The following FUT8 variants were observed in gnomAD, a reference collection of about 807,000 sequenced individuals.
FUT8 encodes fucosyltransferase 8, also known as alpha-(1,6)-fucosyltransferase.
A neutral mutation model predicts 71.3 loss-of-function variants in FUT8; 29 were observed. The ratio of observed to expected loss-of-function variants is 0.41; its 90% CI spans 0.30 to 0.55. FUT8 has a LOEUF of 0.55. Ranked by LOEUF, FUT8 falls within the 20% of genes least tolerant of loss-of-function variation. The pLI is 0.34. For synonymous variants in FUT8, 254 were observed against 239.3 expected (o/e 1.06, Z -0.57); for missense variants, 544 against 702.1 (o/e 0.77, Z 2.55).
At position 65,413,216 on chromosome 14, in the gene FUT8, T is replaced by A. The variant is rs988264418; in HGVS notation, c.-326+2T>A. ...AGACCGCCTCTGCTCCCGCCTGGGG[T>A]AAGGGGGCGTTTTGGGAGCCGGGCC... On this transcript the variant is annotated splice_donor_variant, in intron 1 of 10. Coordinates refer to ENST00000673929, the MANE Select transcript of FUT8 (RefSeq NM_001371533.1). LOFTEE classifies it low-confidence loss of function (5UTR_SPLICE). The surrounding 1 kb of genome is among the most constrained non-coding windows in gnomAD (Gnocchi z 4.1). The A allele has an allele frequency of 6.6e-6, 1 of 152,402 alleles. No individual in the cohort carries two copies. Among genetic ancestry groups the A allele is most frequent in the African/African-American group, 2.4e-5 (1 of 41,302 alleles). The allele number at this position is 152,402 out of a possible 1,614,324, so 9.4% of individuals were successfully genotyped here.
chr14:65,366,517 AG>A, the FUT8 span, among the ~76,000 whole-genome samples: 1 of 152,328 alleles, frequency 6.6e-6, no homozygotes, highest in East Asian at 1.9e-4. Context: ...TGTTATTGCT[AG>A]GATATGTACC....
Position 65,561,776 on chromosome 14 carries a change from A to G in FUT8, c.203+10A>G. The G allele has an allele frequency of 6.2e-7, 1 of 1,602,704 alleles. No homozygotes were observed. ...TGGCCGAATCTCTCCGGTAGGTCCT[A>G]AAATACTGAATGAAGAATGATGAAA... is the stretch of plus-strand genomic sequence containing the variant. On this transcript the variant is annotated intron_variant, in intron 3 of 10. Coordinates refer to ENST00000673929, the MANE Select transcript of FUT8 (RefSeq NM_001371533.1).
the FUT8 span, among the ~76,000 whole-genome samples, chr14:65,395,608 A>T: frequency 6.6e-6 from 1 of 152,214 alleles, no homozygotes; most frequent in Non-Finnish European, 1.5e-5. Flanking sequence ...GGGATGCAGG[A>T]CACCAAGTTC....
At chr14:65,488,570 C>T (rs531963727) in intron 2 of FUT8, 8 of 152,296 alleles carry the variant, frequency 5.3e-5, no homozygotes, top group African/African-American at 1.9e-4. Flanking sequence ...TTATGAGGTA[C>T]ATTTTGACTA....
At chr14:65,481,382 A>G (rs2066328154) in intron 2 of FUT8, among the ~76,000 whole-genome samples, 4 of 152,028 alleles carry the variant, frequency 2.6e-5, no homozygotes, top group Non-Finnish European at 5.9e-5. Flanking sequence ...TAATTCCGTA[A>G]CATATACTTT....
chr14:65,530,769 A>C (rs1883894631), intron 2 of FUT8, among the ~76,000 whole-genome samples: 1 of 150,402 alleles, frequency 6.6e-6, no homozygotes, highest in South Asian at 2.1e-4. Context: ...TGCCTGTTTT[A>C]TGGTGCTCTT....
rs1275171243 is a variant in FUT8 at position 65,652,426 on chromosome 14, ACTT to A, written c.598-16808_598-16806del. Among the ~76,000 whole-genome samples the A allele has an allele frequency of 2.0e-5, 3 of 152,310 alleles. No homozygotes were observed. The highest frequency in any genetic ancestry group is 4.4e-5 in the Non-Finnish European group (3 of 68,028). On this transcript the variant is annotated intron_variant, in intron 6 of 10. Transcript: ENST00000673929. The surrounding 1 kb of genome is among the most constrained non-coding windows in gnomAD (Gnocchi z 4.0). Reference sequence around the variant, plus strand: ...CACATAAGAAAAAAACTTTTAGTGTACTTCTTCTTCTGGCCTTTGGATATGATG... The same window carrying A: ...CACATAAGAAAAAAACTTTTAGTGTACTTCTTCTGGCCTTTGGATATGATG...
intron 6 of FUT8, among the ~76,000 whole-genome samples, chr14:65,633,987 G>C (rs545447423): frequency 0.012 from 1,832 of 152,086 alleles, 15 homozygotes; most frequent in Middle Eastern, 0.024. Flanking sequence ...CGGGAGGTGA[G>C]GGGCGCCTCT....
chr14:65,737,487 T>G (rs1322940154), intron 10 of FUT8, among the ~76,000 whole-genome samples: 1 of 152,170 alleles, frequency 6.6e-6, no homozygotes, highest in Non-Finnish European at 1.5e-5. Context: ...GCATCTCCTT[T>G]GTCACCTATT....
chr14:65,526,647 C>G (rs1883490146), intron 2 of FUT8, among the ~76,000 whole-genome samples: 1 of 152,146 alleles, frequency 6.6e-6, no homozygotes, highest in Non-Finnish European at 1.5e-5. Flanking sequence ...GATGCAGTTT[C>G]TTCCTGGTAT....
chr14:65,449,126 C>T (rs1242234433), intron 1 of FUT8, among the ~76,000 whole-genome samples: 2 of 151,962 alleles, frequency 1.3e-5, no homozygotes, highest in African/African-American at 4.8e-5. Context: ...AGAAACTAGA[C>T]CAAATTTAAT....
At chr14:65,728,859 C>G (rs1282982501) in intron 9 of FUT8, among the ~76,000 whole-genome samples, 1 of 152,022 alleles carries the variant, frequency 6.6e-6, no homozygotes, top group Admixed American at 6.5e-5. Flanking sequence ...TGTAAATACA[C>G]CCTATGATGT....
At chr14:65,657,514 A>AT (rs746277236) in intron 6 of FUT8, among the ~76,000 whole-genome samples, 17 of 152,282 alleles carry the variant, frequency 1.1e-4, no homozygotes, top group Admixed American at 3.3e-4. Context: ...AGATCCTGTC[A>AT]TTAGCAACAA....
intron 6 of FUT8, among the ~76,000 whole-genome samples, chr14:65,664,334 A>G (rs1033070771): frequency 3.3e-5 from 5 of 152,138 alleles, no homozygotes; most frequent in Non-Finnish European, 5.9e-5. Flanking sequence ...ACATGATACC[A>G]CACTCCTCTG....
chr14:65,586,962 G>C lies in FUT8; in HGVS notation c.203+25196G>C, dbSNP rs558897884. Among the ~76,000 whole-genome samples the C allele has an allele frequency of 4.8e-4, 73 of 152,256 alleles. No individual in the cohort carries two copies. The South Asian group carries it at 0.015, about 31-fold the overall frequency. On this transcript the variant is annotated intron_variant, in intron 3 of 10. Coordinates refer to ENST00000673929, the MANE Select transcript of FUT8 (RefSeq NM_001371533.1). ...CCAGCACTTTGGGAGGCCGAGGCGG[G>C]TGGATCACGAGGTCAGGAGATCGAG... is the stretch of plus-strand genomic sequence containing the variant.
chr14:65,719,697 C>G (rs1296389122), intron 7 of FUT8, among the ~76,000 whole-genome samples: 1 of 152,240 alleles, frequency 6.6e-6, no homozygotes, highest in African/African-American at 2.4e-5. Flanking sequence ...TGCTGTGGTT[C>G]TTACAGACTT....
chr14:65,691,757 A>G (rs1416638660), intron 7 of FUT8, among the ~76,000 whole-genome samples: 1 of 151,730 alleles, frequency 6.6e-6, no homozygotes, highest in Non-Finnish European at 1.5e-5. Context: ...GGCCTTCTGC[A>G]GTGTTTGTGT....
rs1166678727 is a variant in FUT8 at position 65,483,646 on chromosome 14, C to A, written c.-228+27928C>A. 9.2e-5 allele frequency among the ~76,000 whole-genome samples: 14 copies of A among 151,986 alleles called. No homozygotes were observed. In the East Asian group the frequency reaches 2.5e-3, roughly 27 times the overall value. ...TATTGTTTTCAATGTACTGATCTTA[C>A]CCATATTTTATTAGGTTGATCTTTA... On this transcript the variant is annotated intron_variant, in intron 2 of 10. Coordinates refer to ENST00000673929, the MANE Select transcript of FUT8 (RefSeq NM_001371533.1). The surrounding 1 kb of genome is among the most constrained non-coding windows in gnomAD (Gnocchi z 4.4).
chr14:65,732,844 T>C (rs1220424965), intron 9 of FUT8, among the ~76,000 whole-genome samples: 1 of 152,204 alleles, frequency 6.6e-6, no homozygotes, highest in Non-Finnish European at 1.5e-5. Flanking sequence ...TTAAAAATTT[T>C]AATGAGGTTT....
Sources: gnomAD v4.1 joint callset for allele counts (sites outside exome capture counted in the v4.1 genomes callset) on GRCh38, gnomAD v4.1.1 for gene constraint, Gnocchi (gnomAD v3.1) non-coding constraint, MANE v1.5 for transcripts, NCBI Gene and HGNC (gene_info 2026-07-23, HGNC 2026-07-21) for gene names.